The following USP47 variants were observed in gnomAD, a reference collection of about 807,000 sequenced individuals.
USP47 encodes ubiquitin carboxyl-terminal hydrolase 47.
Under a neutral mutation model 165.1 loss-of-function variants are expected in USP47, and 35 were observed. The observed-to-expected ratio is 0.21, with a 90% CI of 0.16 to 0.28. USP47 has a LOEUF of 0.28. USP47 is among the 10% of genes least tolerant of loss of function. The probability of loss-of-function intolerance (pLI) is 1.00; values close to 1 mark genes in which losing one functional copy is unlikely to be tolerated. For synonymous variants in USP47, 531 were observed against 544.5 expected, an observed-to-expected ratio of 0.98 and a Z score of 0.35; for missense variants, 1,277 against 1,607.4, an observed-to-expected ratio of 0.79 and a Z score of 3.52.
chr11:11,930,307 G>C (rs1854573148), intron 13 of USP47, among the ~76,000 whole-genome samples, 187 bp downstream of exon 13: 1 of 152,120 alleles, frequency 6.6e-6, no homozygotes, highest in African/African-American at 2.4e-5. Flanking sequence ...TATATTATGT[G>C]TTAATGCTTT....
At position 11,959,729 on chromosome 11, in the gene USP47, G is replaced by A. The variant is rs1847371448; in HGVS notation, c.*3554G>A. Reference sequence around the variant, plus strand: ...CTAGGAGGGCAAAAGAGAGTTGAGAGGAATGCTCTGCCCCTTCCCCATCAC... The same window carrying A: ...CTAGGAGGGCAAAAGAGAGTTGAGAAGAATGCTCTGCCCCTTCCCCATCAC... On this transcript the variant is annotated 3_prime_UTR_variant, in exon 28 of 28. Coordinates refer to ENST00000527733, the MANE Select transcript of USP47 (RefSeq NM_001282659.2). Among the ~76,000 whole-genome samples the A allele has an allele frequency of 6.6e-6, 1 of 152,228 alleles. No homozygotes were observed. Among genetic ancestry groups the A allele is most frequent in the Admixed American group, 6.5e-5 (1 of 15,292 alleles).
At chr11:11,851,483 A>G (rs1414462009) in intron 1 of USP47, among the ~76,000 whole-genome samples, 1 of 152,108 alleles carries the variant, frequency 6.6e-6, no homozygotes, top group Non-Finnish European at 1.5e-5. Flanking sequence ...GTTTGCTTTA[A>G]TGTATTTACA....
At chr11:11,880,423 ATTGTTG>A (rs1317677774) in intron 2 of USP47, 43 bp downstream of exon 2, 4 of 1,246,826 alleles carry the variant, frequency 3.2e-6, no homozygotes, top group Non-Finnish European at 4.0e-6. Context: ...TATTATAGCC[ATTGTTG>A]TTGTTGTTAC....
chr11:11,942,524 G>A lies in USP47; in HGVS notation c.2503G>A (p.Asp835Asn). The A allele has an allele frequency of 6.2e-7, 1 of 1,613,596 alleles. No individual in the cohort carries two copies. The change falls in exon 20 of 28, where the codon GAC (aspartate) becomes AAC (asparagine). Residue 835 changes from aspartate to asparagine, a missense_variant. Around this residue, in one of 4 missense-constraint regions of USP47, gnomAD observed 909 missense variants for 1,068.1 expected, o/e 0.85. Transcript: ENST00000527733. ...AGGCGATTCTGGTAATGTGGATGAT[G>A]ACTGTGAAAGAGTCAAAGGACCTGT... ...AGGDSGNVDD[D>N]CERVKGPVGS... is the part of the protein sequence containing the mutation.
At position 11,950,601 on chromosome 11, in the gene USP47, G is replaced by C; in HGVS notation, c.3583+119G>C. 8.4e-6 allele frequency: 6 copies of C among 712,082 alleles called. No individual in the cohort carries two copies. In the South Asian group the frequency reaches 1.1e-4, roughly 13 times the overall value. The allele number at this position is 712,082 out of a possible 1,614,324, so 44.1% of individuals were successfully genotyped here. A position where few individuals can be genotyped will look rare whatever the true frequency, so the allele number is the denominator to read the frequency against. ...AATCTAATATACATTATAGTGTTTT[G>C]TGTTATATTAAGCATAACGATATCC... is the stretch of plus-strand genomic sequence containing the variant. On this transcript the variant is annotated intron_variant, in intron 24 of 27. Transcript: ENST00000527733.
At chr11:11,852,357 G>T (rs539600612) in intron 1 of USP47, among the ~76,000 whole-genome samples, 14 of 149,752 alleles carry the variant, frequency 9.3e-5, no homozygotes, top group Admixed American at 8.7e-4. Flanking sequence ...TTATTCTTTG[G>T]ATTATAATCC....
At chr11:11,924,058 G>A (rs1010546904) in intron 11 of USP47, among the ~76,000 whole-genome samples, 2 of 152,214 alleles carry the variant, frequency 1.3e-5, no homozygotes, top group African/African-American at 4.8e-5. Context: ...AGAGTGGTGA[G>A]GGAGAACTTC....
chr11:11,956,252 T>C lies in USP47; in HGVS notation c.*77T>C. 2.6e-6 allele frequency: 4 copies of C among 1,550,996 alleles called. No individual in the cohort carries two copies. The highest frequency in any genetic ancestry group is 3.5e-6 in the Non-Finnish European group (4 of 1,134,208). Reference sequence around the variant, plus strand: ...TTCACTACCACTGGGTAGTGCCATTTTGGCCGGACATGGTTGGGGTAACCC... The same window carrying C: ...TTCACTACCACTGGGTAGTGCCATTCTGGCCGGACATGGTTGGGGTAACCC... On this transcript the variant is annotated 3_prime_UTR_variant, in exon 28 of 28. Transcript: ENST00000527733.
At chr11:11,887,553 A>G (rs1342067917) in intron 3 of USP47, among the ~76,000 whole-genome samples, 1 of 152,226 alleles carries the variant, frequency 6.6e-6, no homozygotes, top group Admixed American at 6.5e-5. Context: ...CACTCAATAC[A>G]GGAACACCCA....
chr11:11,948,549 T>G lies in USP47; in HGVS notation c.3339T>G (p.Asn1113Lys). The G allele has an allele frequency of 6.2e-7, 1 of 1,610,044 alleles. No individual in the cohort carries two copies. The highest frequency in any genetic ancestry group is 8.5e-7 in the Non-Finnish European group (1 of 1,176,604). The change falls in exon 22 of 28, where the codon AAT becomes AAG. Residue 1113 changes from asparagine to lysine, a missense_variant. This residue lies in a region of USP47 where 909 missense variants were observed against 1,068.1 expected (regional missense o/e 0.85). Coordinates refer to ENST00000527733, the MANE Select transcript of USP47 (RefSeq NM_001282659.2). ...TTAAAGTATACCAGCTTTTGGTCAA[T>G]GAACAAGAGGTAAGTAATACGTTTA... ...YRVKVYQLLV[N>K]EQEPCKFLLD...
chr11:11,929,616 G>A, intron 12 of USP47, 51 bp downstream of exon 12: 1 of 1,591,860 alleles, frequency 6.3e-7, no homozygotes, highest in Non-Finnish European at 8.6e-7. Flanking sequence ...GAGTAAGGAT[G>A]TTTCTAAACA....
rs892376941 is a variant in USP47 at position 11,960,954 on chromosome 11, T to A, written c.*4779T>A. Reference sequence around the variant, plus strand: ...CCTCCCCACAGGCCCAGAGAACCAGTTGGGCTTTGTTCTCCTGCAGGCTAT... The same window carrying A: ...CCTCCCCACAGGCCCAGAGAACCAGATGGGCTTTGTTCTCCTGCAGGCTAT... On this transcript the variant is annotated 3_prime_UTR_variant, in exon 28 of 28. Coordinates refer to ENST00000527733, the MANE Select transcript of USP47 (RefSeq NM_001282659.2). Among the ~76,000 whole-genome samples, 2 of 152,158 alleles carry A rather than the reference T, an allele frequency of 1.3e-5. No individual in the cohort carries two copies. The highest frequency in any genetic ancestry group is 1.3e-4 in the Admixed American group (2 of 15,280).
chr11:11,928,554 A>G (rs972276222), intron 11 of USP47, among the ~76,000 whole-genome samples: 1 of 152,064 alleles, frequency 6.6e-6, no homozygotes, highest in Non-Finnish European at 1.5e-5. Flanking sequence ...AAGTAAATAA[A>G]ATAAAGCTTG....
chr11:11,865,933 T>C lies in USP47; in HGVS notation c.40-14244T>C, dbSNP rs188611593. 9.2e-5 allele frequency among the ~76,000 whole-genome samples: 14 copies of C among 152,298 alleles called. No individual in the cohort carries two copies. The East Asian group carries it at 1.7e-3, about 19-fold the overall frequency. On this transcript the variant is annotated intron_variant, in intron 1 of 27. Coordinates refer to ENST00000527733, the MANE Select transcript of USP47 (RefSeq NM_001282659.2). ...ATATATTTGGGGTATTAATCTCTTA[T>C]ACAGTTTGCAAATATTTTCTCCCAT...
At position 11,955,502 on chromosome 11, in the gene USP47, C is replaced by T. The variant is rs562365769; in HGVS notation, c.3893+338C>T. On this transcript the variant is annotated intron_variant, in intron 27 of 27. Transcript: ENST00000527733. ...TTGTATGTCTGTTATATTTCCAGCA[C>T]ATCTCAATTTGAACCAGGCATATTT... Among the ~76,000 whole-genome samples the T allele has an allele frequency of 5.3e-5, 8 of 152,274 alleles. No individual in the cohort carries two copies. In the South Asian group the frequency reaches 1.7e-3, roughly 32 times the overall value.
intron 1 of USP47, among the ~76,000 whole-genome samples, chr11:11,868,956 A>G (rs947948285): frequency 6.6e-6 from 1 of 151,770 alleles, no homozygotes; most frequent in Non-Finnish European, 1.5e-5. Flanking sequence ...ATTTTTGTCT[A>G]TGTGCTAATT....
chr11:11,923,786 C>A (rs1018813645), intron 11 of USP47, among the ~76,000 whole-genome samples: 8 of 152,178 alleles, frequency 5.3e-5, no homozygotes, highest in African/African-American at 1.9e-4. Context: ...TTAAAATTAT[C>A]TGTTTCATTC....
intron 1 of USP47, among the ~76,000 whole-genome samples, chr11:11,854,886 G>A (rs1316380151): frequency 6.8e-6 from 1 of 146,760 alleles, no homozygotes; most frequent in Non-Finnish European, 1.5e-5. Context: ...GAGGTCAGGA[G>A]ATCGAGACCA....
rs750088189 is a variant in USP47, at chr11:11,903,274, C to T, written c.751C>T (p.His251Tyr). The change falls in exon 7 of 28, where the codon CAT becomes TAT. Residue 251 changes from histidine to tyrosine, a missense_variant. His to Tyr is a moderately conservative substitution (Grantham distance 83). Transcript: ENST00000527733. ...TTATCTTAAAACAGCTTGGCAGCAG[C>T]ATGATGTACAAGAACTATGCAGAGT... ...GWDSSEAWQQ[H>Y]DVQELCRVMF... The T allele has an allele frequency of 5.6e-6, 9 of 1,608,716 alleles. No homozygotes were observed. The highest frequency in any genetic ancestry group is 7.6e-6 in the Non-Finnish European group (9 of 1,177,238).
Sources: allele counts gnomAD v4.1 joint callset (sites outside exome capture counted in the v4.1 genomes callset), GRCh38; gene constraint gnomAD v4.1.1; regional missense constraint gnomAD v4.1.1; transcripts MANE v1.5; gene names NCBI Gene and HGNC (gene_info 2026-07-23, HGNC 2026-07-21).